Variants in ELAPOR2 observed in about 807,000 individuals in gnomAD.
ELAPOR2 encodes endosome/lysosome-associated apoptosis and autophagy regulator family member 2.
ELAPOR2 carries 89 observed loss-of-function variants against 120.7 expected under a neutral mutation model. The ratio of observed to expected loss-of-function variants is 0.74; its 90% confidence interval spans 0.62 to 0.88. The LOEUF (loss-of-function observed/expected upper bound fraction) is 0.88. Among genes scored for constraint, ELAPOR2 ranks in the 40% least tolerant of loss-of-function variants. The pLI, the probability that ELAPOR2 is intolerant of heterozygous loss-of-function variation, is 0.00. For missense variants in ELAPOR2, 1,134 were observed against 1,251.6 expected, an observed-to-expected ratio of 0.91 and a Z score of 1.42; for synonymous variants, 444 against 444.9, an observed-to-expected ratio of 1.00 and a Z score of 0.03.
intron 1 of ELAPOR2, among the ~76,000 whole-genome samples, chr7:87,021,861 T>G (rs1293305762): frequency 1.3e-5 from 2 of 152,170 alleles, no homozygotes; most frequent in African/African-American, 4.8e-5. Context: ...TATATTTGGA[T>G]TGGGGGCTAT....
chr7:86,882,632 A>G (rs940073116), intron 21 of ELAPOR2, among the ~76,000 whole-genome samples: 3 of 152,120 alleles, frequency 2.0e-5, no homozygotes, highest in South Asian at 2.1e-4. Context: ...CAGGAACTCT[A>G]TATCTCATTC....
chr7:86,918,323 C>CAAAAAAAGA (rs1789661312), intron 12 of ELAPOR2, 119 bp downstream of exon 12: 1 of 159,090 alleles, frequency 6.3e-6, no homozygotes, highest in Non-Finnish European at 1.2e-5. Flanking sequence ...CTAAGAATAG[C>CAAAAAAAGA]AAAAAAAAAA....
chr7:86,973,130 T>G lies in ELAPOR2; in HGVS notation c.190-8106A>C, dbSNP rs573113702. 5.1e-4 allele frequency among the ~76,000 whole-genome samples: 77 copies of G among 152,180 alleles called. 1 individual carries two copies. The South Asian group carries it at 8.1e-3, about 16-fold the overall frequency. ...TGCTTCTGCTCTTGCCCACACCTAC[T>G]ACACTCCACAGCCAGTTCTAAATGG... On this transcript the variant is annotated intron_variant, in intron 1 of 21. Coordinates refer to ENST00000450689, the MANE Select transcript of ELAPOR2 (RefSeq NM_001142749.3).
intron 1 of ELAPOR2, among the ~76,000 whole-genome samples, chr7:87,004,864 C>G (rs1446078821): frequency 6.6e-6 from 1 of 152,022 alleles, no homozygotes; most frequent in Non-Finnish European, 1.5e-5. Context: ...ATATCAGACC[C>G]CAAAGAAAAT....
intron 1 of ELAPOR2, among the ~76,000 whole-genome samples, chr7:86,967,040 C>T (rs762918047): frequency 1.8e-4 from 27 of 152,094 alleles, no homozygotes; most frequent in African/African-American, 2.7e-4. Flanking sequence ...ATTTTTTGGA[C>T]GACAGGGGCA....
intron 8 of ELAPOR2, among the ~76,000 whole-genome samples, chr7:86,932,964 C>A (rs1272086283): frequency 6.6e-6 from 1 of 151,740 alleles, no homozygotes; most frequent in African/African-American, 2.4e-5. Flanking sequence ...TATTGATTCA[C>A]AAATTGATAT....
At chr7:86,900,651 A>G (rs1339873018) in intron 18 of ELAPOR2, among the ~76,000 whole-genome samples, 2 of 152,190 alleles carry the variant, frequency 1.3e-5, no homozygotes, top group African/African-American at 4.8e-5. Context: ...GCTTAACTCA[A>G]AATAGTTTAC....
chr7:87,001,177 T>C (rs536320178), intron 1 of ELAPOR2, among the ~76,000 whole-genome samples: 1 of 152,102 alleles, frequency 6.6e-6, no homozygotes, highest in South Asian at 2.1e-4. Context: ...GACAAGCAAA[T>C]AGTGAGACAC....
At chr7:86,922,215 C>CCTAACAG (rs1789864119) in intron 10 of ELAPOR2, among the ~76,000 whole-genome samples, 1 of 151,898 alleles carries the variant, frequency 6.6e-6, no homozygotes, top group African/African-American at 2.4e-5. Flanking sequence ...TAACCTAACA[C>CCTAACAG]CTAACAGCTA....
chr7:86,920,114 G>A (rs944591160), intron 10 of ELAPOR2, among the ~76,000 whole-genome samples: 2 of 152,118 alleles, frequency 1.3e-5, no homozygotes, highest in African/African-American at 4.8e-5. Flanking sequence ...AATTAAGGAA[G>A]AGCCTGGTTC....
At chr7:86,947,617 T>C (rs1469191665) in intron 3 of ELAPOR2, 110 bp downstream of exon 3, 1 of 949,106 alleles carries the variant, frequency 1.1e-6, no homozygotes, top group Non-Finnish European at 1.5e-6. Flanking sequence ...AATTAGCTTA[T>C]CTATCACCAC....
intron 7 of ELAPOR2, 33 bp downstream of exon 7, chr7:86,938,775 G>C (rs374904062): frequency 1.2e-6 from 2 of 1,606,552 alleles, no homozygotes; most frequent in Admixed American, 3.3e-5. Flanking sequence ...CATACATTTA[G>C]AAAGAAAAAA....
intron 21 of ELAPOR2, among the ~76,000 whole-genome samples, chr7:86,888,495 C>G (rs184855874): frequency 6.6e-6 from 1 of 152,050 alleles, no homozygotes; most frequent in African/African-American, 2.4e-5. Flanking sequence ...ATGGCAAAGG[C>G]CTTTAATTTA....
intron 1 of ELAPOR2, among the ~76,000 whole-genome samples, chr7:86,977,949 TTC>T (rs1272547958): frequency 6.6e-6 from 1 of 152,240 alleles, no homozygotes; most frequent in East Asian, 1.9e-4. Context: ...TTCAATGGCA[TTC>T]TCTTTGTTCA....
chr7:86,886,314 T>C (rs545203073), intron 21 of ELAPOR2, among the ~76,000 whole-genome samples: 46 of 152,238 alleles, frequency 3.0e-4, no homozygotes, highest in Non-Finnish European at 5.4e-4. Context: ...TCAGCTAGCC[T>C]ACAAAATAGT....
chr7:87,036,403 G>A (rs1176757083), intron 1 of ELAPOR2, among the ~76,000 whole-genome samples: 1 of 152,188 alleles, frequency 6.6e-6, no homozygotes, highest in African/African-American at 2.4e-5. Flanking sequence ...AGGATCACTG[G>A]AGCTCTGGGA....
intron 19 of ELAPOR2, among the ~76,000 whole-genome samples, chr7:86,893,618 A>G (rs1469641508): frequency 6.6e-6 from 1 of 152,084 alleles, no homozygotes; most frequent in Non-Finnish European, 1.5e-5. Flanking sequence ...ATACAGGTGC[A>G]CCACGGCTGG....
Position 86,942,003 on chromosome 7 carries a change from T to C in ELAPOR2, c.741+15A>G. ...GAAAAATTGGCAAAGAAGAAGGAAATACAAAGAGACTTACAGAATGAGAGC... is the reference window on the plus strand; with the variant it reads ...GAAAAATTGGCAAAGAAGAAGGAAACACAAAGAGACTTACAGAATGAGAGC... On this transcript the variant is annotated intron_variant, in intron 5 of 21. Transcript: ENST00000450689. The C allele has an allele frequency of 4.0e-6, 6 of 1,482,012 alleles. No homozygotes were observed. The highest frequency in any genetic ancestry group is 4.6e-6 in the Non-Finnish European group (5 of 1,085,926). The allele number at this position is 1,482,012 out of a possible 1,614,324, so 91.8% of individuals were successfully genotyped here.
rs1212259675 is a variant in ELAPOR2, at chr7:87,042,318, GCACCA to G, written c.189+17002_189+17006del. Among the ~76,000 whole-genome samples, 30 of 149,306 alleles carry G rather than the reference GCACCA, an allele frequency of 2.0e-4. 1 individual carries two copies. The highest frequency in any genetic ancestry group is 5.9e-4 in the African/African-American group (24 of 40,396). ...GTCAACAGAATATACATTTTTTTCAGCACCACACCACACCTATTCCAAAATTGACC... is the reference window on the plus strand; with the variant it reads ...GTCAACAGAATATACATTTTTTTCAGCACCACACCTATTCCAAAATTGACC... On this transcript the variant is annotated intron_variant, in intron 1 of 21. Transcript: ENST00000450689.
Sources: allele counts gnomAD v4.1 joint callset (sites outside exome capture counted in the v4.1 genomes callset), GRCh38; gene constraint gnomAD v4.1.1; transcripts MANE v1.5; gene names NCBI Gene and HGNC (gene_info 2026-07-23, HGNC 2026-07-21).